The following ADK variants were observed in gnomAD, a reference collection of about 807,000 sequenced individuals.
ADK encodes the protein adenosine kinase.
ADK carries 24 observed loss-of-function variants against 44.7 expected under a neutral mutation model. The observed-to-expected ratio is 0.54, with a 90% CI of 0.39 to 0.76. The LOEUF (loss-of-function observed/expected upper bound fraction) is 0.76. Among genes scored for constraint, ADK ranks in the 30% least tolerant of loss-of-function variants. ADK has a pLI of 0.00. For synonymous variants in ADK, 128 were observed against 142.6 expected (o/e 0.90, Z 0.73); for missense variants, 321 against 425.1 (o/e 0.76, Z 2.15).
At chr10:74,363,850 C>G (rs1592103894) in intron 4 of ADK, among the ~76,000 whole-genome samples, 1 of 152,178 alleles carries the variant, frequency 6.6e-6, no homozygotes, top group Non-Finnish European at 1.5e-5. Flanking sequence ...GGTTGGCGTG[C>G]CTGTCTCATT....
chr10:74,496,063 G>C (rs1847672472), intron 6 of ADK, among the ~76,000 whole-genome samples: 1 of 152,094 alleles, frequency 6.6e-6, no homozygotes, highest in Non-Finnish European at 1.5e-5. Flanking sequence ...ATTGTCTTGA[G>C]ATGATTTTTG....
intron 9 of ADK, among the ~76,000 whole-genome samples, chr10:74,619,538 C>T (rs1852905911): frequency 6.6e-6 from 1 of 151,832 alleles, no homozygotes. Context: ...CTTATTCATC[C>T]TAGTTCTGTA....
intron 3 of ADK, among the ~76,000 whole-genome samples, chr10:74,266,604 A>G (rs1018067312): frequency 6.6e-6 from 1 of 152,082 alleles, no homozygotes; most frequent in African/African-American, 2.4e-5. Context: ...TGTATAGTAA[A>G]TGAGCGAATT....
chr10:74,218,202 C>T (rs968749417), intron 2 of ADK, among the ~76,000 whole-genome samples: 1 of 151,932 alleles, frequency 6.6e-6, no homozygotes, highest in African/African-American at 2.4e-5. Flanking sequence ...AAGCCAAGGC[C>T]CGAGAACTAC....
intron 9 of ADK, among the ~76,000 whole-genome samples, chr10:74,644,136 C>T (rs76983621): frequency 6.6e-6 from 1 of 152,190 alleles, no homozygotes; most frequent in African/African-American, 2.4e-5. Context: ...GCCATTAGTA[C>T]CTGCAACCTA....
intron 7 of ADK, among the ~76,000 whole-genome samples, chr10:74,536,474 A>C (rs544389603): frequency 1.1e-5 from 1 of 89,768 alleles, no homozygotes; most frequent in South Asian, 2.9e-4. Flanking sequence ...TCTTTTTTTA[A>C]TTCTGGTAAA....
At chr10:74,458,299 G>GTTTTTT (rs376118678) in intron 6 of ADK, among the ~76,000 whole-genome samples, 18 of 79,034 alleles carry the variant, frequency 2.3e-4, no homozygotes, top group African/African-American at 2.9e-4. Flanking sequence ...CCCAGGTTTT[G>GTTTTTT]TTTTTTTTTT....
chr10:74,453,334 C>G (rs1381877651), intron 6 of ADK, among the ~76,000 whole-genome samples: 1 of 152,056 alleles, frequency 6.6e-6, no homozygotes, highest in Non-Finnish European at 1.5e-5. Flanking sequence ...TTGGACTGAT[C>G]AATATTTGAT....
At position 74,384,324 on chromosome 10, in the gene ADK, G is replaced by A. The variant is rs116353738; in HGVS notation, c.274-9817G>A. Among the ~76,000 whole-genome samples, 676 of 152,216 alleles carry A rather than the reference G, an allele frequency of 4.4e-3. 4 individuals are homozygous for A. The highest frequency in any genetic ancestry group is 0.016 in the African/African-American group (651 of 41,538). ...GTCTTGAACAGCAAATTACAATTAA[G>A]TGGAATTAATTCTATGATAGGAATG... is the stretch of plus-strand genomic sequence containing the variant. On this transcript the variant is annotated intron_variant, in intron 4 of 10. Transcript: ENST00000539909.
At chr10:74,568,207 G>A (rs1262335154) in intron 7 of ADK, among the ~76,000 whole-genome samples, 2 of 152,080 alleles carry the variant, frequency 1.3e-5, no homozygotes, top group Non-Finnish European at 2.9e-5. Flanking sequence ...TTTATGTGTG[G>A]CCCAAGACAA....
intron 3 of ADK, among the ~76,000 whole-genome samples, chr10:74,256,251 G>GC (rs1591941321): frequency 6.6e-6 from 1 of 152,190 alleles, no homozygotes; most frequent in East Asian, 1.9e-4. Context: ...ATTTCATGGA[G>GC]CGCCATGCTG....
At chr10:74,198,296 A>G (rs993105906) in intron 1 of ADK, among the ~76,000 whole-genome samples, 1 of 152,150 alleles carries the variant, frequency 6.6e-6, no homozygotes, top group Admixed American at 6.5e-5. Flanking sequence ...CACATATGCA[A>G]TTTAAGTGTG....
chr10:74,514,924 G>A (rs1341463599), intron 6 of ADK, among the ~76,000 whole-genome samples: 3 of 151,676 alleles, frequency 2.0e-5, no homozygotes, highest in East Asian at 3.9e-4. Flanking sequence ...TCGTATGCTC[G>A]AGTGATCCTC....
chr10:74,543,287 T>C (rs1414062155), intron 7 of ADK, among the ~76,000 whole-genome samples: 1 of 151,704 alleles, frequency 6.6e-6, no homozygotes, highest in Non-Finnish European at 1.5e-5. Flanking sequence ...CAAGCAATCC[T>C]CCTGCAATCC....
intron 10 of ADK, among the ~76,000 whole-genome samples, chr10:74,705,837 T>G (rs920277079): frequency 3.9e-5 from 6 of 152,246 alleles, no homozygotes; most frequent in Admixed American, 3.3e-4. Context: ...TCTGCGAGTG[T>G]GCAGTGGTAT....
chr10:74,396,420 G>A (rs1564697430), intron 5 of ADK, among the ~76,000 whole-genome samples: 1 of 151,964 alleles, frequency 6.6e-6, no homozygotes, highest in African/African-American at 2.4e-5. Flanking sequence ...TGTGGTCCCC[G>A]CTGCTTGGGA....
At chr10:74,247,228 T>G (rs1343250264) in intron 3 of ADK, among the ~76,000 whole-genome samples, 6 of 88,476 alleles carry the variant, frequency 6.8e-5, no homozygotes, top group Non-Finnish European at 1.3e-4. Flanking sequence ...TTTTAAGTTT[T>G]TTTTTTTTTT....
At chr10:74,565,743 A>C (rs948151051) in intron 7 of ADK, among the ~76,000 whole-genome samples, 8 of 151,590 alleles carry the variant, frequency 5.3e-5, no homozygotes, top group Non-Finnish European at 1.2e-4. Context: ...AAAAAAAAAA[A>C]AAAAAACCAT....
intron 6 of ADK, among the ~76,000 whole-genome samples, chr10:74,465,265 G>C (rs1846311686): frequency 6.6e-6 from 1 of 152,140 alleles, no homozygotes. Context: ...CTCTATGCCA[G>C]GAGCATAGCA....
Sources: allele counts gnomAD v4.1 joint callset (sites outside exome capture counted in the v4.1 genomes callset), GRCh38; gene constraint gnomAD v4.1.1; transcripts MANE v1.5; gene names NCBI Gene and HGNC (gene_info 2026-07-23, HGNC 2026-07-21).